LIPM: variants seen among roughly 807,000 people sequenced by gnomAD.
The protein encoded by LIPM is lipase family member M, also known as lipase member M.
In LIPM, 42 loss-of-function variants were observed where a neutral mutation model predicts 42.4. The ratio of observed to expected loss-of-function variants is 0.99; its 90% CI spans 0.77 to 1.28. The LOEUF is 1.28. Among genes scored for constraint, LIPM ranks in the 50% most tolerant of loss-of-function variants. LIPM has a pLI of 0.00. For missense variants in LIPM, 524 were observed against 520.1 expected (o/e 1.01, Z -0.07); for synonymous variants, 177 against 173.3 (o/e 1.02, Z -0.17).
intron 2 of LIPM, among the ~76,000 whole-genome samples, chr10:88,811,626 G>T (rs1843657817): frequency 6.6e-6 from 1 of 151,980 alleles, no homozygotes; most frequent in Non-Finnish European, 1.5e-5. Flanking sequence ...TCTTTATTTT[G>T]ATATAATTTC....
intron 1 of LIPM, among the ~76,000 whole-genome samples, chr10:88,803,964 C>T (rs533785535): frequency 3.9e-5 from 6 of 152,226 alleles, no homozygotes; most frequent in South Asian, 2.1e-4. Flanking sequence ...ATGAGTAAGA[C>T]GATCATGTGC....
intron 2 of LIPM, among the ~76,000 whole-genome samples, chr10:88,812,247 G>C (rs1467406469): frequency 6.6e-6 from 1 of 152,142 alleles, no homozygotes; most frequent in African/African-American, 2.4e-5. Flanking sequence ...AATAATGTTG[G>C]CTTGTTCCAA....
intron 1 of LIPM, among the ~76,000 whole-genome samples, chr10:88,805,755 G>A (rs1400988665): frequency 6.6e-6 from 1 of 152,038 alleles, no homozygotes; most frequent in Non-Finnish European, 1.5e-5. Context: ...ATAAGTATTT[G>A]CCCCAGGTTG....
At chr10:88,814,411 C>T (rs982657658) in intron 3 of LIPM, 119 bp from the exon 4 acceptor site, 10 of 657,362 alleles carry the variant, frequency 1.5e-5, no homozygotes, top group Middle Eastern at 3.8e-4. Context: ...GTGAGGGACA[C>T]GGTAACAAGC....
chr10:88,814,737 C>A, intron 4 of LIPM, 98 bp downstream of exon 4: 1 of 879,522 alleles, frequency 1.1e-6, no homozygotes, highest in Non-Finnish European at 1.8e-6. Flanking sequence ...TCCTTCAGAC[C>A]TGCTCTTTTC....
At chr10:88,819,256 A>G (rs923585629) in intron 8 of LIPM, among the ~76,000 whole-genome samples, 9 of 152,192 alleles carry the variant, frequency 5.9e-5, no homozygotes, top group African/African-American at 2.2e-4. Flanking sequence ...CATGCAGAAT[A>G]GGCACCAGAA....
intron 1 of LIPM, among the ~76,000 whole-genome samples, chr10:88,805,232 T>C (rs1843572054): frequency 6.6e-6 from 1 of 152,214 alleles, no homozygotes; most frequent in African/African-American, 2.4e-5. Context: ...TTAGTCATTA[T>C]AAAAGCAATG....
chr10:88,809,595 C>T (rs965935146), intron 2 of LIPM, among the ~76,000 whole-genome samples: 4 of 152,202 alleles, frequency 2.6e-5, no homozygotes, highest in African/African-American at 9.6e-5. Flanking sequence ...TTGCCCAAAA[C>T]GTCTGTGCTA....
At position 88,813,153 on chromosome 10, in the gene LIPM, A is replaced by G; in HGVS notation, c.322A>G (p.Ile108Val). 1 of 1,612,192 alleles carries G rather than the reference A, an allele frequency of 6.2e-7. No individual in the cohort carries two copies. Among genetic ancestry groups the G allele is most frequent in the Non-Finnish European group, 8.5e-7 (1 of 1,179,008 alleles). The change falls in exon 3 of 9, where the codon ATT becomes GTT. Residue 108 changes from isoleucine (I) to valine (V), a missense_variant. Physicochemically the swap from Ile to Val is conservative, Grantham distance 29. Transcript: ENST00000404743. ...HGLVGGASNW[I>V]SNLPNNSLGF... ...CCTAGTTGGAGGTGCTAGCAACTGG[A>G]TTTCCAACCTGCCCAACAATAGCCT...
At chr10:88,803,168 T>A (rs1843548283) in intron 1 of LIPM, 125 bp downstream of exon 1, 2 of 1,057,290 alleles carry the variant, frequency 1.9e-6, no homozygotes, top group Non-Finnish European at 1.3e-6. Context: ...AGTGATGAAG[T>A]AGCAAATTGT....
chr10:88,810,414 C>A (rs573578659), intron 2 of LIPM, among the ~76,000 whole-genome samples: 18 of 151,644 alleles, frequency 1.2e-4, no homozygotes, highest in African/African-American at 4.1e-4. Context: ...GTTTGAGGTT[C>A]AAGGAATCTG....
chr10:88,807,247 G>C (rs951056016), intron 1 of LIPM, among the ~76,000 whole-genome samples: 1 of 152,188 alleles, frequency 6.6e-6, no homozygotes, highest in Admixed American at 6.6e-5. Context: ...CATAGGAGCA[G>C]TTTAACTAAA....
In LIPM at chr10:88,820,170, A is replaced by G. The variant is rs1210711244; in HGVS notation, c.1003-62A>G. The G allele has an allele frequency of 2.9e-6, 4 of 1,357,832 alleles. No homozygotes were observed. The South Asian group carries it at 4.3e-5, about 14-fold the overall frequency. The allele number at this position is 1,357,832 out of a possible 1,614,324, so 84.1% of individuals were successfully genotyped here. ...CATGTTTATTATGTCTATTTGAAAC[A>G]TAAATTATGAGCCTGAAAGTCCAAA... is the stretch of plus-strand genomic sequence containing the variant. On this transcript the variant is annotated intron_variant, in intron 8 of 8. Coordinates refer to ENST00000404743, the MANE Select transcript of LIPM (RefSeq NM_001128215.1).
At chr10:88,809,837 C>T (rs1028668188) in intron 2 of LIPM, among the ~76,000 whole-genome samples, 2 of 152,082 alleles carry the variant, frequency 1.3e-5, no homozygotes, top group African/African-American at 2.4e-5. Flanking sequence ...CTAGCGTGCA[C>T]CTGCCTTAGT....
intron 1 of LIPM, among the ~76,000 whole-genome samples, chr10:88,804,474 G>T (rs145213172): frequency 6.6e-6 from 1 of 152,144 alleles, no homozygotes; most frequent in East Asian, 1.9e-4. Flanking sequence ...AATAAAAGTA[G>T]TTGCAAGTTT....
chr10:88,817,845 C>T lies in LIPM; in HGVS notation c.951C>T (p.Leu317=). The T allele has an allele frequency of 6.4e-7, 1 of 1,551,394 alleles. No individual in the cohort carries two copies. The highest frequency in any genetic ancestry group is 8.7e-7 in the Non-Finnish European group (1 of 1,146,812). The change falls in exon 8 of 9, where the codon CTC becomes CTT. Residue 317 remains leucine (L), a synonymous_variant. Transcript: ENST00000404743. ...TTTAGGCAGTGAATTCTGGTGAACT[C>T]CGGGCATTTGACTGGGGGAGTGAGA... The part of the protein sequence containing the change: ...HWSQAVNSGE[L]RAFDWGSETK...
chr10:88,809,595 C>G (rs965935146), intron 2 of LIPM, among the ~76,000 whole-genome samples: 1 of 152,202 alleles, frequency 6.6e-6, no homozygotes, highest in Non-Finnish European at 1.5e-5. Flanking sequence ...TTGCCCAAAA[C>G]GTCTGTGCTA....
chr10:88,805,976 G>A (rs1178057089), intron 1 of LIPM: 1 of 456,652 alleles, frequency 2.2e-6, no homozygotes, highest in Non-Finnish European at 4.4e-6. Flanking sequence ...ACGTTGGGCT[G>A]AGATGACCAG....
chr10:88,817,910 A>T lies in LIPM; in HGVS notation c.1002+14A>T. 1.9e-6 allele frequency: 3 copies of T among 1,542,086 alleles called. No individual in the cohort carries two copies. In the South Asian group the frequency reaches 3.6e-5, roughly 18 times the overall value. ...AAATGCAATCAGGTAAGAAAATCAAATACCATCTGCTGAAAATATATACAT... is the reference window on the plus strand; with the variant it reads ...AAATGCAATCAGGTAAGAAAATCAATTACCATCTGCTGAAAATATATACAT... On this transcript the variant is annotated intron_variant, in intron 8 of 8. Transcript: ENST00000404743.
Sources: allele counts gnomAD v4.1 joint callset (sites outside exome capture counted in the v4.1 genomes callset), GRCh38; gene constraint gnomAD v4.1.1; transcripts MANE v1.5; gene names NCBI Gene and HGNC (gene_info 2026-07-23, HGNC 2026-07-21).